Variants in ARMH3 observed in about 807,000 individuals in gnomAD.
ARMH3 encodes armadillo like helical domain containing 3.
A neutral mutation model predicts 99.1 loss-of-function variants in ARMH3; 60 were observed. The ratio of observed to expected loss-of-function variants is 0.61; its 90% CI spans 0.49 to 0.75. The LOEUF (loss-of-function observed/expected upper bound fraction) is 0.75. Ranked by LOEUF, ARMH3 falls within the 30% of genes least tolerant of loss-of-function variation. The pLI is 0.00. For synonymous variants in ARMH3, 285 were observed against 292.8 expected, an observed-to-expected ratio of 0.97 and a Z score of 0.27; for missense variants, 679 against 843.1, an observed-to-expected ratio of 0.81 and a Z score of 2.41.
At chr10:101,944,271 TATAG>T (rs1564778566) in intron 22 of ARMH3, among the ~76,000 whole-genome samples, 6 of 40,032 alleles carry the variant, frequency 1.5e-4, no homozygotes, top group Admixed American at 3.3e-4. Flanking sequence ...TATATATATA[TATAG>T]AGAGAGAGAG....
chr10:101,907,472 G>A (rs1023109201), intron 23 of ARMH3, among the ~76,000 whole-genome samples: 8 of 150,496 alleles, frequency 5.3e-5, no homozygotes, highest in African/African-American at 1.5e-4. Flanking sequence ...AACCTCCGCC[G>A]CCTGGGTTCA....
intron 20 of ARMH3, among the ~76,000 whole-genome samples, chr10:101,963,062 C>T (rs1267377230): frequency 1.1e-4 from 16 of 151,488 alleles, no homozygotes; most frequent in African/African-American, 3.4e-4. Context: ...CTCCACCTCC[C>T]GGGTTCAAGA....
In ARMH3 at chr10:101,957,682, C is replaced by T. The variant is rs750684702; in HGVS notation, c.1546G>A (p.Ala516Thr). 13 of 1,608,636 alleles carry T rather than the reference C, an allele frequency of 8.1e-6. No individual in the cohort carries two copies. Among genetic ancestry groups the T allele is most frequent in the Non-Finnish European group, 1.1e-5 (13 of 1,178,544 alleles). The change falls in exon 21 of 26, where the codon GCC becomes ACC. Residue 516 changes from alanine (A) to threonine (T), a missense_variant. Around this residue, in one of 3 missense-constraint regions of ARMH3, gnomAD observed 389 missense variants for 456.5 expected, o/e 0.85. Coordinates refer to ENST00000370033, the MANE Select transcript of ARMH3 (RefSeq NM_024541.3). ...FLMSNETVLL[A>T]KHNIFTLALM... ...GCTAATGTAAAAATGTTGTGTTTGG[C>T]CAAAAGTACAGTCTCATTTGACATA...
At chr10:101,896,347 T>C (rs558138712) in intron 23 of ARMH3, among the ~76,000 whole-genome samples, 14 of 152,304 alleles carry the variant, frequency 9.2e-5, no homozygotes, top group African/African-American at 3.4e-4. Flanking sequence ...TACTTCAATT[T>C]ATAGGAAAGG....
chr10:101,847,461 C>T lies in ARMH3; in HGVS notation c.*67G>A, dbSNP rs546341902. 4.6e-6 allele frequency: 7 copies of T among 1,514,682 alleles called. No individual in the cohort carries two copies. The East Asian group carries it at 6.8e-5, about 15-fold the overall frequency. 93.8% of individuals were successfully genotyped at this position (1,514,682 alleles called of 1,614,324 possible). A position where few individuals can be genotyped will look rare whatever the true frequency, so the allele number is the denominator to read the frequency against. On this transcript the variant is annotated 3_prime_UTR_variant, in exon 26 of 26. Transcript: ENST00000370033. ...CCTCGGGGGCAGCCCCCTCTCCCCTCGCTCCCCCTCCAGCCCATGATCCTC... is the reference window on the plus strand; with the variant it reads ...CCTCGGGGGCAGCCCCCTCTCCCCTTGCTCCCCCTCCAGCCCATGATCCTC...
rs60846376 is a variant in ARMH3 at position 102,055,298 on chromosome 10, A to AAAATAAAT, written c.-12+779_-12+786dup. Among the ~76,000 whole-genome samples the AAAATAAAT allele has an allele frequency of 5.3e-3, 798 of 149,316 alleles. 8 individuals carry two copies. The highest frequency in any genetic ancestry group is 0.022 in the East Asian group (109 of 4,944). On this transcript the variant is annotated intron_variant, in intron 1 of 25. Transcript: ENST00000370033. ...GGCGACAACAGCGAAACTCCATCTC[A>AAAATAAAT]AAATAAATAAATAAATAAATAAATA... is the stretch of plus-strand genomic sequence containing the variant.
chr10:102,033,561 G>A, intron 2 of ARMH3: 2 of 449,008 alleles, frequency 4.5e-6, no homozygotes, highest in Admixed American at 3.8e-5. Flanking sequence ...TGGGACTACA[G>A]GCGCCCACCA....
intron 23 of ARMH3, among the ~76,000 whole-genome samples, chr10:101,895,287 T>C (rs1357493609): frequency 6.6e-6 from 1 of 151,382 alleles, no homozygotes; most frequent in Non-Finnish European, 1.5e-5. Context: ...TCTTTTTTTT[T>C]TTTTTTTTTC....
intron 11 of ARMH3, among the ~76,000 whole-genome samples, chr10:102,011,232 T>G (rs1303999953): frequency 6.6e-6 from 1 of 152,068 alleles, no homozygotes; most frequent in East Asian, 1.9e-4. Context: ...ACAGATCTAC[T>G]GCACGATCGC....
At chr10:101,879,299 T>G (rs1222506433) in intron 24 of ARMH3, among the ~76,000 whole-genome samples, 2 of 152,184 alleles carry the variant, frequency 1.3e-5, no homozygotes, top group Non-Finnish European at 2.9e-5. Context: ...TTAGATTCTT[T>G]AGTGTACTCA....
At chr10:101,849,009 T>C (rs2066523637) in intron 25 of ARMH3, among the ~76,000 whole-genome samples, 1 of 152,178 alleles carries the variant, frequency 6.6e-6, no homozygotes, top group Non-Finnish European at 1.5e-5. Flanking sequence ...AACGATCTAA[T>C]ACGCAGTGCC....
At position 101,889,443 on chromosome 10, in the gene ARMH3, A is replaced by G. The variant is rs1419609008; in HGVS notation, c.1829T>C (p.Val610Ala). The G allele has an allele frequency of 6.2e-7, 1 of 1,614,090 alleles. No individual in the cohort carries two copies. The highest frequency in any genetic ancestry group is 8.5e-7 in the Non-Finnish European group (1 of 1,179,914). The change falls in exon 24 of 26, where the codon GTG (valine) becomes GCG (alanine). Residue 610 changes from valine to alanine, a missense_variant. Physicochemically the swap from Val to Ala is moderately conservative, Grantham distance 64 (BLOSUM62 0). This residue lies in a region of ARMH3 where 389 missense variants were observed against 456.5 expected (regional missense o/e 0.85). Coordinates refer to ENST00000370033, the MANE Select transcript of ARMH3 (RefSeq NM_024541.3). ...FNPKIESYAAVNHISQLSEEQ... is the reference protein window; with the variant it reads ...FNPKIESYAAANHISQLSEEQ... ...CTCTGACAGTTGGGATATGTGATTC[A>G]CAGCAGCGTAGGACTCAATTTTGGG...
At chr10:101,970,276 G>C (rs1178588395) in intron 20 of ARMH3, among the ~76,000 whole-genome samples, 1 of 152,162 alleles carries the variant, frequency 6.6e-6, no homozygotes, top group Non-Finnish European at 1.5e-5. Context: ...AAAAACAAAA[G>C]AAATTACTAA....
At chr10:101,960,493 G>C (rs1181567560) in intron 20 of ARMH3, among the ~76,000 whole-genome samples, 2 of 152,050 alleles carry the variant, frequency 1.3e-5, no homozygotes, top group Non-Finnish European at 2.9e-5. Flanking sequence ...CCTCATTTTT[G>C]GATAAGAAAA....
At chr10:101,963,795 TTAAAA>T (rs1845413684) in intron 20 of ARMH3, among the ~76,000 whole-genome samples, 1 of 151,948 alleles carries the variant, frequency 6.6e-6, no homozygotes, top group African/African-American at 2.4e-5. Context: ...AAAGGTCAAC[TTAAAA>T]TAAGGTGGTA....
intron 14 of ARMH3, among the ~76,000 whole-genome samples, chr10:102,004,218 T>G (rs1282898660): frequency 6.6e-6 from 1 of 152,218 alleles, no homozygotes; most frequent in Admixed American, 6.5e-5. Flanking sequence ...TGACATACCT[T>G]TAAATATAAG....
chr10:101,996,444 A>G lies in ARMH3; in HGVS notation c.1151-1089T>C, dbSNP rs542522616. 7.2e-5 allele frequency among the ~76,000 whole-genome samples: 11 copies of G among 152,322 alleles called. No homozygotes were observed. In the East Asian group the frequency reaches 1.9e-3, roughly 27 times the overall value. On this transcript the variant is annotated intron_variant, in intron 15 of 25. Coordinates refer to ENST00000370033, the MANE Select transcript of ARMH3 (RefSeq NM_024541.3). Reference sequence around the variant, plus strand: ...CAAATATACTCACATCTCCTCAGAGATAGGCAATGCAAAAAGAGTAATGGT... The same window carrying G: ...CAAATATACTCACATCTCCTCAGAGGTAGGCAATGCAAAAAGAGTAATGGT...
chr10:101,878,151 G>A (rs769505599), intron 24 of ARMH3, among the ~76,000 whole-genome samples: 9 of 151,980 alleles, frequency 5.9e-5, no homozygotes, highest in Non-Finnish European at 1.0e-4. Flanking sequence ...CCAACTACTC[G>A]GGAGGTTACG....
At chr10:101,913,766 C>A (rs541643231) in intron 23 of ARMH3, among the ~76,000 whole-genome samples, 10 of 152,170 alleles carry the variant, frequency 6.6e-5, no homozygotes, top group Non-Finnish European at 1.3e-4. Context: ...CCCTCCTTCC[C>A]GGAGCTGCCA....
Sources: gnomAD v4.1 joint callset for allele counts (sites outside exome capture counted in the v4.1 genomes callset) on GRCh38, gnomAD v4.1.1 for gene constraint, gnomAD v4.1.1 regional missense constraint, MANE v1.5 for transcripts, NCBI Gene and HGNC (gene_info 2026-07-23, HGNC 2026-07-21) for gene names.